RAP1GAP: variants seen among roughly 807,000 people sequenced by gnomAD.
RAP1GAP encodes the protein RAP1 GTPase activating protein, also known as rap1 GTPase-activating protein 1.
In RAP1GAP, 35 loss-of-function variants were observed where a neutral mutation model predicts 87.2. That is an observed-to-expected ratio of 0.40 (90% CI 0.31 to 0.53). The LOEUF (loss-of-function observed/expected upper bound fraction) is 0.53, where lower values mean the gene tolerates loss of function less well. Among genes scored for constraint, RAP1GAP ranks in the 20% least tolerant of loss-of-function variants. The pLI, the probability that RAP1GAP is intolerant of heterozygous loss-of-function variation, is 0.48. For missense variants in RAP1GAP, 734 were observed against 898.9 expected (o/e 0.82, Z 2.35); for synonymous variants, 375 against 363.9 (o/e 1.03, Z -0.35).
In RAP1GAP at chr1:21,619,111, T is replaced by G. The variant is rs1212933585; in HGVS notation, c.19-39A>C. On this transcript the variant is annotated intron_variant, in intron 4 of 24. Transcript: ENST00000374765. ...CAGCACTGTTACACCCTCCCAGGCCTGCCGCCAGGCGCTGCCTCCCCTCCC... is the reference window on the plus strand; with the variant it reads ...CAGCACTGTTACACCCTCCCAGGCCGGCCGCCAGGCGCTGCCTCCCCTCCC... 9.0e-6 allele frequency: 14 copies of G among 1,563,656 alleles called. No individual in the cohort carries two copies. In the East Asian group the frequency reaches 3.3e-4, roughly 37 times the overall value.
At chr1:21,644,180 T>C (rs907801293) in intron 2 of RAP1GAP, among the ~76,000 whole-genome samples, 3 of 152,206 alleles carry the variant, frequency 2.0e-5, no homozygotes, top group African/African-American at 7.2e-5. Flanking sequence ...GGCGTCTCTC[T>C]GGCACTAGGC....
intron 21 of RAP1GAP, 143 bp from the exon 22 acceptor site, chr1:21,598,645 G>T: frequency 1.5e-6 from 1 of 682,768 alleles, no homozygotes; most frequent in Non-Finnish European, 2.5e-6. Flanking sequence ...AGCCATGTCT[G>T]CCCCAGGGAG....
chr1:21,625,133 C>T (rs1433704067), intron 3 of RAP1GAP, among the ~76,000 whole-genome samples: 2 of 152,214 alleles, frequency 1.3e-5, no homozygotes, highest in Non-Finnish European at 2.9e-5. Context: ...AGCAGCCCCA[C>T]GTGGCACCCC....
At chr1:21,651,005 T>C (rs1402478643) in intron 1 of RAP1GAP, among the ~76,000 whole-genome samples, 1 of 152,088 alleles carries the variant, frequency 6.6e-6, no homozygotes, top group East Asian at 1.9e-4. Flanking sequence ...TAGGGCCTGG[T>C]GAAGGTCATG....
At chr1:21,611,387 T>C in intron 13 of RAP1GAP, 65 bp downstream of exon 13, 2 of 1,554,776 alleles carry the variant, frequency 1.3e-6, no homozygotes, top group Non-Finnish European at 1.7e-6. Context: ...TGATGGAGGC[T>C]GAACAGACAG....
At chr1:21,651,197 C>T (rs906417688) in intron 1 of RAP1GAP, among the ~76,000 whole-genome samples, 1 of 152,218 alleles carries the variant, frequency 6.6e-6, no homozygotes, top group Non-Finnish European at 1.5e-5. Flanking sequence ...CAGCCAGTGG[C>T]CCAGGGAGGA....
intron 2 of RAP1GAP, among the ~76,000 whole-genome samples, chr1:21,639,478 C>G (rs2151254312): frequency 6.6e-6 from 1 of 152,352 alleles, no homozygotes; most frequent in Middle Eastern, 3.4e-3. Flanking sequence ...CTGTGCCAAG[C>G]TCTAGCTGTG....
At chr1:21,653,594 C>T (rs2625407) in intron 1 of RAP1GAP, among the ~76,000 whole-genome samples, 25,597 of 80,372 alleles carry the variant, frequency 0.32, 2,594 homozygotes, top group Admixed American at 0.44. Context: ...CTTCCTTCCT[C>T]CCTCCCTCCC....
intron 19 of RAP1GAP, among the ~76,000 whole-genome samples, chr1:21,602,258 C>G (rs1402330524): frequency 6.6e-6 from 1 of 152,220 alleles, no homozygotes; most frequent in Non-Finnish European, 1.5e-5. Flanking sequence ...GGGTTGTGTT[C>G]TTGTCCCTTT....
intron 2 of RAP1GAP, among the ~76,000 whole-genome samples, chr1:21,635,447 A>G (rs1412085787): frequency 6.6e-6 from 1 of 152,152 alleles, no homozygotes; most frequent in African/African-American, 2.4e-5. Flanking sequence ...TGGAGTGGAC[A>G]ATGGTGCTGG....
Position 21,608,293 on chromosome 1 carries a change from G to C in RAP1GAP, c.1216C>G (p.Gln406Glu). The change falls in exon 17 of 25, where the codon CAG (glutamine) becomes GAG (glutamate). Residue 406 changes from glutamine (Q) to glutamate (E), a missense_variant. Physicochemically the swap from Gln to Glu is conservative, Grantham distance 29 (BLOSUM62 2). Around this residue, in one of 2 missense-constraint regions of RAP1GAP, gnomAD observed 485 missense variants for 646.2 expected, o/e 0.75. Transcript: ENST00000374765. The part of the protein sequence containing the change: ...TLYEELHIHS[Q>E]SMMGLGGDED... ...TCGCCGCCCAAGCCCATCATGGACTGGCTGTGGATGTGTAGTTCCTCATAG... is the reference window on the plus strand; with the variant it reads ...TCGCCGCCCAAGCCCATCATGGACTCGCTGTGGATGTGTAGTTCCTCATAG... The C allele has an allele frequency of 1.2e-6, 2 of 1,614,070 alleles. No individual in the cohort carries two copies. The highest frequency in any genetic ancestry group is 1.7e-6 in the Non-Finnish European group (2 of 1,179,980).
At chr1:21,614,734 G>C (rs1273890369) in intron 7 of RAP1GAP, among the ~76,000 whole-genome samples, 1 of 152,124 alleles carries the variant, frequency 6.6e-6, no homozygotes, top group Non-Finnish European at 1.5e-5. Context: ...GAGGAGCCCA[G>C]GGCTGGCACC....
chr1:21,623,700 C>G (rs916398669), intron 3 of RAP1GAP, among the ~76,000 whole-genome samples: 1 of 152,242 alleles, frequency 6.6e-6, no homozygotes, highest in Admixed American at 6.5e-5. Flanking sequence ...GTGTTCCAGA[C>G]ACGGTGTAGC....
chr1:21,605,038 T>TG (rs1476027295), intron 18 of RAP1GAP, among the ~76,000 whole-genome samples: 5 of 118,804 alleles, frequency 4.2e-5, no homozygotes, highest in Non-Finnish European at 8.7e-5. Flanking sequence ...GATGGGTGGG[T>TG]GGATGGATGG....
At chr1:21,627,877 G>C (rs1483585667) in intron 2 of RAP1GAP, among the ~76,000 whole-genome samples, 1 of 152,148 alleles carries the variant, frequency 6.6e-6, no homozygotes, top group Non-Finnish European at 1.5e-5. Context: ...GACCCAAAAG[G>C]ACAGATATGG....
chr1:21,613,297 C>G lies in RAP1GAP; in HGVS notation c.475-68G>C. 1 of 1,405,934 alleles carries G rather than the reference C, an allele frequency of 7.1e-7. No homozygotes were observed. The highest frequency in any genetic ancestry group is 1.0e-6 in the Non-Finnish European group (1 of 991,868). 87.1% of individuals were successfully genotyped at this position (1,405,934 alleles called of 1,614,324 possible). A position where few individuals can be genotyped will look rare whatever the true frequency, so the allele number is the denominator to read the frequency against. ...GGAGGAGAGGATGGGGCTGCCTGGG[C>G]CTCCCTGGTCAAGGTCTGGGGAGGA... On this transcript the variant is annotated intron_variant, in intron 9 of 24. Transcript: ENST00000374765. The surrounding 1 kb of genome is among the most constrained non-coding windows in gnomAD (Gnocchi z 4.7).
chr1:21,667,841 G>T (rs2097423194), intron 1 of RAP1GAP, among the ~76,000 whole-genome samples: 1 of 152,190 alleles, frequency 6.6e-6, no homozygotes, highest in Non-Finnish European at 1.5e-5. Flanking sequence ...GGGGGAAATT[G>T]CTCGTGCCAC....
At chr1:21,599,689 C>A in intron 20 of RAP1GAP, 72 bp from the exon 21 acceptor site, 1 of 1,539,984 alleles carries the variant, frequency 6.5e-7, no homozygotes, top group Non-Finnish European at 8.7e-7. Context: ...CACTCCCTTG[C>A]CCTCCCCAAC....
chr1:21,610,466 C>T (rs139880040), intron 13 of RAP1GAP, among the ~76,000 whole-genome samples, 191 bp from the exon 14 acceptor site: 16 of 152,308 alleles, frequency 1.1e-4, no homozygotes, highest in East Asian at 1.9e-4. Context: ...TTTGGAACAA[C>T]GTACACTCTT....
Sources: gnomAD v4.1 joint callset for allele counts (sites outside exome capture counted in the v4.1 genomes callset) on GRCh38, gnomAD v4.1.1 for gene constraint, gnomAD v4.1.1 regional missense constraint, Gnocchi (gnomAD v3.1) non-coding constraint, MANE v1.5 for transcripts, NCBI Gene and HGNC (gene_info 2026-07-23, HGNC 2026-07-21) for gene names.